F13A1: variants seen among roughly 807,000 people sequenced by gnomAD.
The protein encoded by F13A1 is FSF, A subunit.
F13A1 carries 47 observed loss-of-function variants against 80.1 expected under a neutral mutation model. That is an observed-to-expected ratio of 0.59 (90% CI 0.46 to 0.75). The LOEUF (loss-of-function observed/expected upper bound fraction) is 0.75, where lower values mean the gene tolerates loss of function less well. Ranked by LOEUF, F13A1 falls within the 30% of genes least tolerant of loss-of-function variation. F13A1 has a pLI of 0.00. For missense variants in F13A1, 817 were observed against 930.4 expected (o/e 0.88, Z 1.59); for synonymous variants, 349 against 344.9 (o/e 1.01, Z -0.13).
intron 8 of F13A1, among the ~76,000 whole-genome samples, chr6:6,209,474 A>G (rs1761562246): frequency 6.6e-6 from 1 of 152,234 alleles, no homozygotes; most frequent in African/African-American, 2.4e-5. Flanking sequence ...GAGTTACCAT[A>G]CAACCCAGAA....
rs573607260 is a variant in F13A1 at position 6,156,797 on chromosome 6, A to C, written c.1909-4848T>G. On this transcript the variant is annotated intron_variant, in intron 13 of 14. Transcript: ENST00000264870. The stretch of plus-strand genomic sequence containing the variant: ...AATTAAATTAATTAAAATTAAGTGA[A>C]ATGTAAAAAATTCAGTTCCTCAGTT... 2.0e-5 allele frequency among the ~76,000 whole-genome samples: 3 copies of C among 152,340 alleles called. No individual in the cohort carries two copies. In the East Asian group the frequency reaches 5.8e-4, roughly 29 times the overall value.
chr6:6,174,954 T>C (rs1449890555), intron 11 of F13A1, 87 bp from the exon 12 acceptor site: 1 of 1,493,438 alleles, frequency 6.7e-7, no homozygotes, highest in African/African-American at 1.4e-5. Flanking sequence ...GTACTGCACT[T>C]GTTGGGGTGT....
At chr6:6,186,583 T>A (rs951690027) in intron 10 of F13A1, among the ~76,000 whole-genome samples, 2 of 152,224 alleles carry the variant, frequency 1.3e-5, no homozygotes, top group African/African-American at 4.8e-5. Context: ...TTGATCTATA[T>A]CTCTATTTTG....
intron 12 of F13A1, among the ~76,000 whole-genome samples, chr6:6,172,449 G>GTTT (rs1760792612): frequency 1.2e-5 from 1 of 83,680 alleles, no homozygotes; most frequent in African/African-American, 6.7e-5. Context: ...AAACACTATA[G>GTTT]TGTTTTTTTT....
At chr6:6,221,210 T>C (rs2057623) in intron 8 of F13A1, among the ~76,000 whole-genome samples, 84,013 of 151,966 alleles carry the variant, frequency 0.55, 23,703 homozygotes, top group Middle Eastern at 0.72. Context: ...AGGATTTTTT[T>C]CGTTTCTTCT....
intron 8 of F13A1, among the ~76,000 whole-genome samples, chr6:6,217,673 TATA>T (rs1169149055): frequency 6.6e-6 from 1 of 151,914 alleles, no homozygotes; most frequent in Non-Finnish European, 1.5e-5. Flanking sequence ...AAACTTAAAG[TATA>T]ATAATAAAAA....
chr6:6,303,428 G>A (rs1191118382), intron 3 of F13A1, among the ~76,000 whole-genome samples: 2 of 152,084 alleles, frequency 1.3e-5, no homozygotes, highest in Non-Finnish European at 2.9e-5. Context: ...TGTTTATGGG[G>A]TTTTGGGATG....
chr6:6,305,006 T>C (rs2113183305), intron 3 of F13A1: 2 of 384,336 alleles, frequency 5.2e-6, no homozygotes, highest in Admixed American at 3.7e-5. Context: ...TGCTAAGATT[T>C]ACAAACATTT....
chr6:6,148,735 C>T (rs908190787), intron 14 of F13A1, among the ~76,000 whole-genome samples: 1 of 152,130 alleles, frequency 6.6e-6, no homozygotes, highest in African/African-American at 2.4e-5. Flanking sequence ...AAGTTGTAAG[C>T]CCATCTTAGA....
At chr6:6,200,253 A>G (rs1393390779) in intron 8 of F13A1, among the ~76,000 whole-genome samples, 1 of 152,142 alleles carries the variant, frequency 6.6e-6, no homozygotes. Context: ...GAGGGAAGAA[A>G]GAGGTAGCTT....
intron 13 of F13A1, among the ~76,000 whole-genome samples, 199 bp from the exon 14 acceptor site, chr6:6,152,148 G>T (rs3818483): frequency 6.6e-6 from 1 of 152,148 alleles, no homozygotes; most frequent in African/African-American, 2.4e-5. Context: ...AATTAGAATC[G>T]CACTCTTTTC....
chr6:6,273,073 C>T (rs1162100088), intron 3 of F13A1, among the ~76,000 whole-genome samples: 2 of 152,214 alleles, frequency 1.3e-5, no homozygotes, highest in Admixed American at 6.5e-5. Flanking sequence ...CTCTGTGACT[C>T]ACCCTGAATT....
At chr6:6,310,351 A>G (rs1209086624) in intron 2 of F13A1, among the ~76,000 whole-genome samples, 1 of 152,154 alleles carries the variant, frequency 6.6e-6, no homozygotes, top group Non-Finnish European at 1.5e-5. Flanking sequence ...CATTTTTCAG[A>G]ATATGTTTTT....
At chr6:6,224,165 G>T (rs967086957) in intron 7 of F13A1, among the ~76,000 whole-genome samples, 1 of 152,026 alleles carries the variant, frequency 6.6e-6, no homozygotes, top group African/African-American at 2.4e-5. Context: ...AATTGCTCAG[G>T]GGCATTGAGA....
intron 3 of F13A1, among the ~76,000 whole-genome samples, chr6:6,295,728 G>C (rs1583116220): frequency 7.0e-6 from 1 of 142,640 alleles, no homozygotes; most frequent in Non-Finnish European, 1.5e-5. Flanking sequence ...TTCTTTTGCT[G>C]TGCAGAAGCT....
At position 6,222,117 on chromosome 6, in the gene F13A1, T is replaced by C. The variant is rs1757203282; in HGVS notation, c.1028A>G (p.His343Arg). ...ARIVTNYFSAHDNDANLQMDI... is the reference protein window; with the variant it reads ...ARIVTNYFSARDNDANLQMDI... ...CATTTGCAAATTGGCATCATTATCA[T>C]GGGCAGAGAAATAATTGGTAACAAT... Residue 343 changes from histidine (H) to arginine (R), a missense_variant, in exon 8 of 15, where the codon CAT becomes CGT. His to Arg is a conservative substitution (Grantham distance 29, BLOSUM62 0). Coordinates refer to ENST00000264870, the MANE Select transcript of F13A1 (RefSeq NM_000129.4). 6.2e-7 allele frequency: 1 copy of C among 1,614,108 alleles called. No homozygotes were observed. The highest frequency in any genetic ancestry group is 8.5e-7 in the Non-Finnish European group (1 of 1,179,964).
At position 6,305,376 on chromosome 6, in the gene F13A1, A is replaced by G. The variant is rs1758498257; in HGVS notation, c.294T>C (p.Asp98=). 1 of 1,614,008 alleles carries G rather than the reference A, an allele frequency of 6.2e-7. No homozygotes were observed. The highest frequency in any genetic ancestry group is 1.3e-5 in the African/African-American group (1 of 74,894). The change falls in exon 3 of 15, where the codon GAT becomes GAC. Residue 98 remains aspartate (D), a synonymous_variant. Coordinates refer to ENST00000264870, the MANE Select transcript of F13A1 (RefSeq NM_000129.4). Reference sequence around the variant, plus strand: ...CAATGACGTATTCCACCCTGAAGAGATCCCTTCTGGGGTCATATGGACGAC... The same window carrying G: ...CAATGACGTATTCCACCCTGAAGAGGTCCCTTCTGGGGTCATATGGACGAC... ...DFSRPYDPRR[D]LFRVEYVIGR...
At chr6:6,257,956 AT>A (rs1038867089) in intron 4 of F13A1, among the ~76,000 whole-genome samples, 2 of 151,972 alleles carry the variant, frequency 1.3e-5, no homozygotes, top group Non-Finnish European at 2.9e-5. Context: ...GTATGCTTTA[AT>A]TTTTTTTCCC....
At chr6:6,223,558 C>T (rs534916357) in intron 7 of F13A1, among the ~76,000 whole-genome samples, 8 of 152,234 alleles carry the variant, frequency 5.3e-5, no homozygotes, top group African/African-American at 1.4e-4. Context: ...GGGGACTATA[C>T]TTTTGATTTT....
Sources: allele counts gnomAD v4.1 joint callset (sites outside exome capture counted in the v4.1 genomes callset), GRCh38; gene constraint gnomAD v4.1.1; transcripts MANE v1.5; gene names NCBI Gene and HGNC (gene_info 2026-07-23, HGNC 2026-07-21).